Variants in VWCE observed in about 807,000 individuals in gnomAD.
The protein encoded by VWCE is von Willebrand factor C and EGF domains, also known as von Willebrand factor C and EGF domain-containing protein.
Under a neutral mutation model 102.9 loss-of-function variants are expected in VWCE, and 68 were observed. The observed-to-expected ratio is 0.66, with a 90% CI of 0.54 to 0.81. The LOEUF (loss-of-function observed/expected upper bound fraction) is 0.81. Ranked by LOEUF, VWCE falls within the 30% of genes least tolerant of loss-of-function variation. The probability of loss-of-function intolerance (pLI) is 0.00; values close to 1 mark genes in which losing one functional copy is unlikely to be tolerated. For missense variants in VWCE, 1,137 were observed against 1,263.6 expected (o/e 0.90, Z 1.52); for synonymous variants, 497 against 515.4 (o/e 0.96, Z 0.48).
intron 1 of VWCE, among the ~76,000 whole-genome samples, chr11:61,292,494 C>T (rs959768084): frequency 6.6e-6 from 1 of 152,074 alleles, no homozygotes; most frequent in African/African-American, 2.4e-5. Flanking sequence ...GTAGTAGGTG[C>T]TCAATAAATG....
chr11:61,292,974 G>A lies in VWCE; in HGVS notation c.111-1398C>T, dbSNP rs541104731. ...AAAAAAATACAGGCCGGGCGCGGTG[G>A]CTCACGCTTGTAATCCCAGCACTTT... On this transcript the variant is annotated intron_variant, in intron 1 of 19. Transcript: ENST00000335613. 1.8e-3 allele frequency among the ~76,000 whole-genome samples: 281 copies of A among 152,042 alleles called. 1 individual carries two copies. The highest frequency in any genetic ancestry group is 6.5e-3 in the African/African-American group (270 of 41,470).
chr11:61,280,174 G>C (rs1424287299), intron 9 of VWCE, among the ~76,000 whole-genome samples: 1 of 152,038 alleles, frequency 6.6e-6, no homozygotes, highest in African/African-American at 2.4e-5. Context: ...GCGGGGGCGA[G>C]TCAAAAAGGG....
intron 5 of VWCE, among the ~76,000 whole-genome samples, chr11:61,284,696 C>A (rs1855256793): frequency 6.6e-6 from 1 of 152,002 alleles, no homozygotes; most frequent in Non-Finnish European, 1.5e-5. Flanking sequence ...GCCTGTAATC[C>A]CAGCACTTCA....
intron 10 of VWCE, 38 bp downstream of exon 10, chr11:61,278,356 A>G: frequency 6.2e-7 from 1 of 1,610,798 alleles, no homozygotes; most frequent in Non-Finnish European, 8.5e-7. Flanking sequence ...AAGGTTAAGA[A>G]AACACCCACG....
chr11:61,289,240 T>TA (rs1029015253), intron 4 of VWCE, among the ~76,000 whole-genome samples: 3 of 151,544 alleles, frequency 2.0e-5, no homozygotes, highest in East Asian at 1.9e-4. Context: ...ATGTAACTGC[T>TA]AAAAAAAAAT....
Position 61,274,508 on chromosome 11 carries a change from A to T in VWCE, c.1572T>A (p.Cys524Ter). The T allele has an allele frequency of 1.2e-6, 2 of 1,612,804 alleles. No homozygotes were observed. The highest frequency in any genetic ancestry group is 1.7e-6 in the Non-Finnish European group (2 of 1,179,540). Residue 524 changes from cysteine to a stop codon, truncating the protein, a stop_gained, in exon 12 of 20, where the codon TGT (cysteine) becomes TGA (stop). Transcript: ENST00000335613. LOFTEE classifies it high-confidence loss of function. ...CGCTCAGCCACCATACCTGGCAAAC[A>T]CAGGTGGTACACTCGTCACCACCCC... The part of the protein sequence containing the change: ...FSGGGDECTT[C>*]VCQNGEVECS...
intron 16 of VWCE, among the ~76,000 whole-genome samples, chr11:61,265,578 A>G (rs1490601265): frequency 6.6e-6 from 1 of 152,218 alleles, no homozygotes; most frequent in East Asian, 1.9e-4. Flanking sequence ...TGGGTCACTC[A>G]GGGTAAGTAG....
chr11:61,291,849 G>A (rs1855512988), intron 1 of VWCE, among the ~76,000 whole-genome samples: 1 of 152,232 alleles, frequency 6.6e-6, no homozygotes, highest in African/African-American at 2.4e-5. Context: ...CCTCAGAGTT[G>A]AAGAAAGGCT....
chr11:61,295,077 T>C lies in VWCE; in HGVS notation c.-40A>G, dbSNP rs1855634155. ...GGTCCCCCGGGCTGGGCTCGGCTCC[T>C]GCGCCGCGCGCGGGAGAGGGGGCTG... On this transcript the variant is annotated 5_prime_UTR_variant, in exon 1 of 20. Transcript: ENST00000335613. This position sits in a 1 kb window ranked among gnomAD's most constrained non-coding sequence, Gnocchi z 4.6. The C allele has an allele frequency of 4.0e-6, 5 of 1,238,138 alleles. No homozygotes were observed. Among genetic ancestry groups the C allele is most frequent in the African/African-American group, 1.6e-5 (1 of 63,448 alleles). The allele number at this position is 1,238,138 out of a possible 1,614,324, so 76.7% of individuals were successfully genotyped here.
Position 61,295,187 on chromosome 11 carries a change from G to C in VWCE, c.-150C>G, listed in dbSNP as rs1243343921. On this transcript the variant is annotated 5_prime_UTR_variant, in exon 1 of 20. Coordinates refer to ENST00000335613, the MANE Select transcript of VWCE (RefSeq NM_152718.2). This position sits in a 1 kb window ranked among gnomAD's most constrained non-coding sequence, Gnocchi z 4.6. ...ACGCAGAGCTGAGCAGGGGGGCTTG[G>C]GACGCCGAGAGGAGGGGCCGAGGGC... 1 of 442,398 alleles carries C rather than the reference G, an allele frequency of 2.3e-6. No homozygotes were observed. Among genetic ancestry groups the C allele is most frequent in the Non-Finnish European group, 3.7e-6 (1 of 269,040 alleles). The allele number at this position is 442,398 out of a possible 1,614,324, so 27.4% of individuals were successfully genotyped here. A position where few individuals can be genotyped will look rare whatever the true frequency, so the allele number is the denominator to read the frequency against.
At chr11:61,271,832 C>CATGCGCACA (rs776815542) in intron 13 of VWCE, 72 bp from the exon 14 acceptor site, 86 of 1,355,494 alleles carry the variant, frequency 6.3e-5, no homozygotes, top group Non-Finnish European at 8.6e-5. Flanking sequence ...ACAGATGCCT[C>CATGCGCACA]ATGCGCACAA....
At chr11:61,282,669 C>G in intron 6 of VWCE, 120 bp downstream of exon 6, 2 of 797,930 alleles carry the variant, frequency 2.5e-6, no homozygotes, top group Non-Finnish European at 2.1e-6. Context: ...GGCTCAAGCC[C>G]CTTCAAGCTC....
rs369327672 is a variant in VWCE at position 61,258,918 on chromosome 11, C to T, written c.2625G>A (p.Ser875=). ...PQPPPVTPER[S]FSASGAQIVS... is the part of the protein sequence containing the mutation. ...CTATCTGGGCCCCAGAGGCTGAGAA[C>T]GAGCGCTCTGGAGTCACAGGAGGTG... is the stretch of plus-strand genomic sequence containing the variant. The change falls in exon 20 of 20, where the codon TCG becomes TCA. Residue 875 remains serine (S), a synonymous_variant. Transcript: ENST00000335613. The T allele has an allele frequency of 4.2e-5, 65 of 1,535,464 alleles. No individual in the cohort carries two copies. The highest frequency in any genetic ancestry group is 5.6e-5 in the Non-Finnish European group (64 of 1,145,074).
rs775223320 is a variant in VWCE, at chr11:61,282,836, G to A, written c.611C>T (p.Ser204Phe). Residue 204 changes from serine to phenylalanine, a missense_variant, in exon 6 of 20, where the codon TCC becomes TTC. Physicochemically the swap from Ser to Phe is radical, Grantham distance 155 (BLOSUM62 -2). Transcript: ENST00000335613. ...ATGAAGGTGGAAGCCAGTTCGACAG[G>A]AACACTTGTAGCTGCCAATGCTGTT... ...CKNSIGSYKC[S>F]CRTGFHLHGN... 5 of 1,614,096 alleles carry A rather than the reference G, an allele frequency of 3.1e-6. No individual in the cohort carries two copies. Among genetic ancestry groups the A allele is most frequent in the African/African-American group, 2.7e-5 (2 of 74,930 alleles).
intron 5 of VWCE, among the ~76,000 whole-genome samples, chr11:61,284,120 T>C (rs948771434): frequency 1.3e-5 from 2 of 152,012 alleles, no homozygotes; most frequent in South Asian, 2.1e-4. Context: ...TCCCAGCCCT[T>C]TGGGGGCCAA....
chr11:61,286,601 A>C (rs1392989909), intron 4 of VWCE, among the ~76,000 whole-genome samples, 171 bp from the exon 5 acceptor site: 2 of 150,420 alleles, frequency 1.3e-5, no homozygotes, highest in Non-Finnish European at 3.0e-5. Flanking sequence ...TCGGAGTTCA[A>C]GACCAGCCTG....
intron 3 of VWCE, 80 bp downstream of exon 3, chr11:61,291,184 A>G: frequency 7.3e-7 from 1 of 1,372,974 alleles, no homozygotes; most frequent in Non-Finnish European, 9.8e-7. Flanking sequence ...ACCAGGACAC[A>G]TCTCAAGTGC....
At chr11:61,285,649 C>G (rs1855296658) in intron 5 of VWCE, among the ~76,000 whole-genome samples, 1 of 152,188 alleles carries the variant, frequency 6.6e-6, no homozygotes, top group South Asian at 2.1e-4. Context: ...TCCCGGCCCT[C>G]CCTCATCTCA....
chr11:61,270,032 C>T (rs1854632892), intron 14 of VWCE, among the ~76,000 whole-genome samples: 1 of 151,974 alleles, frequency 6.6e-6, no homozygotes. Flanking sequence ...ATTCTCCTGC[C>T]TCAGCCTCCC....
Sources: allele counts gnomAD v4.1 joint callset (sites outside exome capture counted in the v4.1 genomes callset), GRCh38; gene constraint gnomAD v4.1.1; non-coding constraint Gnocchi (gnomAD v3.1); transcripts MANE v1.5; gene names NCBI Gene and HGNC (gene_info 2026-07-23, HGNC 2026-07-21).